VPS13A: variants seen among roughly 807,000 people sequenced by gnomAD.
VPS13A encodes the protein intermembrane lipid transfer protein VPS13A.
VPS13A carries 264 observed loss-of-function variants against 390.9 expected under a neutral mutation model. The observed-to-expected ratio is 0.68, with a 90% CI of 0.61 to 0.75. The LOEUF is 0.75. Ranked by LOEUF, VPS13A falls within the 30% of genes least tolerant of loss-of-function variation. VPS13A has a pLI of 0.00. For synonymous variants in VPS13A, 1,231 were observed against 1,227.1 expected (o/e 1.00, Z -0.07); for missense variants, 3,409 against 3,733.9 (o/e 0.91, Z 2.27).
At chr9:77,293,614 A>T in intron 32 of VPS13A, 106 bp downstream of exon 32, 1 of 625,090 alleles carries the variant, frequency 1.6e-6, no homozygotes, top group Non-Finnish European at 2.4e-6. Flanking sequence ...ATTTTTTCTG[A>T]TTTTTTAAAT....
intron 7 of VPS13A, 124 bp from the exon 8 acceptor site, chr9:77,212,845 A>G (rs1590007970): frequency 1.0e-6 from 1 of 966,414 alleles, no homozygotes; most frequent in East Asian, 2.5e-5. Flanking sequence ...TGATGGAGTG[A>G]TATGTCTTTA....
intron 17 of VPS13A, among the ~76,000 whole-genome samples, chr9:77,232,818 G>A (rs1412994415): frequency 2.6e-5 from 4 of 152,018 alleles, no homozygotes; most frequent in African/African-American, 7.2e-5. Flanking sequence ...TCTCTCCCAC[G>A]ACATGGGGGA....
At chr9:77,405,077 C>T (rs1834537940) in intron 69 of VPS13A, among the ~76,000 whole-genome samples, 1 of 151,776 alleles carries the variant, frequency 6.6e-6, no homozygotes, top group Non-Finnish European at 1.5e-5. Flanking sequence ...AGAAGAAAGA[C>T]ATTTGAAGGA....
chr9:77,198,888 G>T (rs2131100220), intron 1 of VPS13A, among the ~76,000 whole-genome samples: 1 of 152,186 alleles, frequency 6.6e-6, no homozygotes, highest in South Asian at 2.1e-4. Context: ...GTCTCGAACT[G>T]CTGACTTCAG....
intron 71 of VPS13A, among the ~76,000 whole-genome samples, chr9:77,409,694 T>G (rs986633132): frequency 6.6e-6 from 1 of 151,076 alleles, no homozygotes; most frequent in African/African-American, 2.4e-5. Flanking sequence ...GAAGAAAGGG[T>G]ATCAGTGATG....
chr9:77,410,904 C>A (rs1483568764), intron 71 of VPS13A, among the ~76,000 whole-genome samples: 1 of 152,152 alleles, frequency 6.6e-6, no homozygotes, highest in Non-Finnish European at 1.5e-5. Context: ...ACAAGGATAT[C>A]CAGGAATTGA....
intron 68 of VPS13A, among the ~76,000 whole-genome samples, chr9:77,399,875 C>T (rs1023701800): frequency 6.6e-6 from 1 of 152,156 alleles, no homozygotes; most frequent in South Asian, 2.1e-4. Flanking sequence ...AATATATGTA[C>T]ATGTATGCAT....
rs1340456567 is a variant in VPS13A, at chr9:77,402,600, T to G, written c.9190-636T>G. Reference sequence around the variant, plus strand: ...AAATGGAATTTAAAATGGTAAATCTTATTTTGTTCATATGGTTATATTTAC... The same window carrying G: ...AAATGGAATTTAAAATGGTAAATCTGATTTTGTTCATATGGTTATATTTAC... On this transcript the variant is annotated intron_variant, in intron 68 of 71. Transcript: ENST00000360280. Among the ~76,000 whole-genome samples, 4 of 76,146 alleles carry G rather than the reference T, an allele frequency of 5.3e-5. No homozygotes were observed. The East Asian group carries it at 9.9e-4, about 19-fold the overall frequency. The allele number at this position is 76,146 out of a possible 152,430, so 50.0% of individuals were successfully genotyped here.
At chr9:77,228,001 T>C in intron 16 of VPS13A, 121 bp from the exon 17 acceptor site, 1 of 755,046 alleles carries the variant, frequency 1.3e-6, no homozygotes, top group South Asian at 3.7e-5. Flanking sequence ...GTGATGATTC[T>C]TGAAGAAATA....
At chr9:77,258,261 A>G (rs1825562091) in intron 22 of VPS13A, among the ~76,000 whole-genome samples, 1 of 152,194 alleles carries the variant, frequency 6.6e-6, no homozygotes, top group Admixed American at 6.5e-5. Context: ...AAACACTTCC[A>G]GGAGAGTTGC....
intron 47 of VPS13A, chr9:77,337,747 T>G: frequency 9.8e-6 from 5 of 509,292 alleles, no homozygotes; most frequent in Non-Finnish European, 1.0e-5. Flanking sequence ...AAAAGCATGC[T>G]ACATTATGTT....
At chr9:77,393,792 C>T (rs550376437) in intron 68 of VPS13A, among the ~76,000 whole-genome samples, 22 of 152,124 alleles carry the variant, frequency 1.4e-4, no homozygotes, top group Non-Finnish European at 2.2e-4. Flanking sequence ...TTTTTTGAGA[C>T]GGAGTCTCGC....
intron 38 of VPS13A, among the ~76,000 whole-genome samples, 180 bp from the exon 39 acceptor site, chr9:77,315,994 A>G (rs1277587352): frequency 6.6e-6 from 1 of 151,924 alleles, no homozygotes; most frequent in Non-Finnish European, 1.5e-5. Context: ...CCCCTCATTT[A>G]AAAATGTTCT....
At chr9:77,408,564 G>A (rs1042756470) in intron 71 of VPS13A, among the ~76,000 whole-genome samples, 2 of 152,212 alleles carry the variant, frequency 1.3e-5, no homozygotes, top group African/African-American at 4.8e-5. Flanking sequence ...GTGACAGATG[G>A]CACCTGGAAA....
intron 68 of VPS13A, chr9:77,395,854 T>C (rs951386872): frequency 1.3e-5 from 2 of 152,140 alleles, no homozygotes; most frequent in African/African-American, 4.8e-5. Context: ...AAAAGAATCT[T>C]TTTTTCCTTT....
intron 23 of VPS13A, among the ~76,000 whole-genome samples, chr9:77,264,038 C>T (rs968169206): frequency 6.6e-6 from 1 of 151,742 alleles, no homozygotes; most frequent in East Asian, 1.9e-4. Flanking sequence ...TCAGATTTGT[C>T]TTTAAATAGG....
intron 23 of VPS13A, among the ~76,000 whole-genome samples, chr9:77,260,512 CG>C (rs1554875404): frequency 2.0e-5 from 3 of 151,814 alleles, no homozygotes; most frequent in Non-Finnish European, 4.4e-5. Flanking sequence ...CCCGCCACCA[CG>C]CCCGGCTAAT....
At chr9:77,209,615 C>A (rs1825860852) in intron 6 of VPS13A, 83 bp downstream of exon 6, 3 of 840,002 alleles carry the variant, frequency 3.6e-6, no homozygotes, top group Non-Finnish European at 5.8e-6. Context: ...TTTTTAATGG[C>A]CAATCTGTTA....
At chr9:77,384,513 T>C (rs1833597625) in intron 68 of VPS13A, 2 of 1,592,926 alleles carry the variant, frequency 1.3e-6, no homozygotes. Flanking sequence ...TTTCATAATC[T>C]TACATGTTTT....
Sources: allele counts gnomAD v4.1 joint callset (sites outside exome capture counted in the v4.1 genomes callset), GRCh38; gene constraint gnomAD v4.1.1; transcripts MANE v1.5; gene names NCBI Gene and HGNC (gene_info 2026-07-23, HGNC 2026-07-21).